Variants in MGAT4C observed in about 807,000 individuals in gnomAD.
MGAT4C encodes the protein alpha-1,3-mannosyl-glycoprotein 4-beta-N-acetylglucosaminyltransferase C.
In MGAT4C, 19 loss-of-function variants were observed where a neutral mutation model predicts 40.1. The ratio of observed to expected loss-of-function variants is 0.47; its 90% confidence interval spans 0.33 to 0.70. The LOEUF (loss-of-function observed/expected upper bound fraction) is 0.70, where lower values mean the gene tolerates loss of function less well. Ranked by LOEUF, MGAT4C falls within the 30% of genes least tolerant of loss-of-function variation. The pLI is 0.02. For missense variants in MGAT4C, 491 were observed against 563.2 expected (o/e 0.87, Z 1.30); for synonymous variants, 181 against 187.1 (o/e 0.97, Z 0.27).
rs116456863 is a variant in MGAT4C at position 86,663,309 on chromosome 12, G to A, written c.-229+63900C>T. Among the ~76,000 whole-genome samples, 584 of 138,736 alleles carry A rather than the reference G, an allele frequency of 4.2e-3. 2 individuals carry two copies. Among genetic ancestry groups the A allele is most frequent in the African/African-American group, 0.016 (560 of 34,528 alleles). The allele number at this position is 138,736 out of a possible 152,430, so 91.0% of individuals were successfully genotyped here. ...CTGGAGTTACAGGCTGCAGTGAGCC[G>A]TGAGCACACTAGCCTGAGTGAAAAA... On this transcript the variant is annotated intron_variant, in intron 2 of 7. Transcript: ENST00000548651.
intron 2 of MGAT4C, among the ~76,000 whole-genome samples, chr12:86,660,949 G>A (rs1176953213): frequency 6.6e-6 from 1 of 152,160 alleles, no homozygotes; most frequent in East Asian, 1.9e-4. Context: ...AATAAATCAA[G>A]AGTGACATCT....
intron 1 of MGAT4C, among the ~76,000 whole-genome samples, chr12:86,129,909 A>AC (rs1348001890): frequency 6.6e-6 from 1 of 152,148 alleles, no homozygotes; most frequent in African/African-American, 2.4e-5. Flanking sequence ...AAATCAGTCT[A>AC]CCCCTACAAC....
At chr12:86,597,820 G>A (rs973304244) in intron 2 of MGAT4C, among the ~76,000 whole-genome samples, 1 of 152,062 alleles carries the variant, frequency 6.6e-6, no homozygotes, top group Non-Finnish European at 1.5e-5. Context: ...TCCTGTGGGA[G>A]ATGGATTTGA....
intron 4 of MGAT4C, among the ~76,000 whole-genome samples, chr12:86,295,836 A>G (rs1953655638): frequency 6.6e-6 from 1 of 152,082 alleles, no homozygotes; most frequent in Non-Finnish European, 1.5e-5. Flanking sequence ...GTGCATTCAC[A>G]AACCTTGAGC....
chr12:86,520,503 C>T (rs1373770517), intron 2 of MGAT4C, among the ~76,000 whole-genome samples: 1 of 152,110 alleles, frequency 6.6e-6, no homozygotes, highest in East Asian at 1.9e-4. Flanking sequence ...GACTCCTTAT[C>T]ATTGCAATTG....
intron 1 of MGAT4C, among the ~76,000 whole-genome samples, chr12:86,801,944 T>A (rs188968472): frequency 1.3e-3 from 191 of 152,000 alleles, no homozygotes; most frequent in Non-Finnish European, 1.7e-3. Flanking sequence ...TATGTAAATA[T>A]CAAACTGGCC....
In MGAT4C at chr12:86,348,114, C is replaced by G. The variant is rs573322730; in HGVS notation, c.-119-13987G>C. Among the ~76,000 whole-genome samples the G allele has an allele frequency of 2.0e-5, 3 of 152,230 alleles. No homozygotes were observed. In the South Asian group the frequency reaches 6.2e-4, roughly 32 times the overall value. ...CAAACCTTGGATCAATAAAATATTC[C>G]TAACATCTAGATGAATTAAATGATT... On this transcript the variant is annotated intron_variant, in intron 3 of 7. Coordinates refer to the MGAT4C transcript ENST00000548651.
chr12:86,604,212 C>A (rs1450630902), intron 2 of MGAT4C, among the ~76,000 whole-genome samples: 1 of 152,094 alleles, frequency 6.6e-6, no homozygotes, highest in Non-Finnish European at 1.5e-5. Flanking sequence ...AAAGAAACTG[C>A]AGAAGTTGGG....
intron 1 of MGAT4C, among the ~76,000 whole-genome samples, chr12:86,168,750 A>T (rs1424368007): frequency 6.6e-6 from 1 of 152,120 alleles, no homozygotes; most frequent in Non-Finnish European, 1.5e-5. Flanking sequence ...AGACAAAAAG[A>T]GTGGATGAAA....
At chr12:86,766,625 T>A (rs971050339) in intron 1 of MGAT4C, among the ~76,000 whole-genome samples, 14 of 149,150 alleles carry the variant, frequency 9.4e-5, no homozygotes, top group Non-Finnish European at 1.6e-4. Flanking sequence ...GAAGTAAAGC[T>A]CTCCTCAGCA....
At chr12:86,164,787 T>C (rs1203738821) in intron 1 of MGAT4C, among the ~76,000 whole-genome samples, 1 of 152,186 alleles carries the variant, frequency 6.6e-6, no homozygotes, top group African/African-American at 2.4e-5. Context: ...CAAGTTATGT[T>C]GCTAGAGAGG....
At chr12:86,082,954 T>C (rs1342655527) in intron 1 of MGAT4C, among the ~76,000 whole-genome samples, 1 of 152,090 alleles carries the variant, frequency 6.6e-6, no homozygotes, top group African/African-American at 2.4e-5. Context: ...TGTTCATATA[T>C]CTATAATCAC....
intron 2 of MGAT4C, among the ~76,000 whole-genome samples, chr12:85,993,924 C>A (rs1886288625): frequency 6.6e-6 from 1 of 152,184 alleles, no homozygotes; most frequent in African/African-American, 2.4e-5. Flanking sequence ...CACCCCTGAG[C>A]CTGTGTAGAT....
At chr12:86,563,240 T>G (rs1396320942) in intron 2 of MGAT4C, among the ~76,000 whole-genome samples, 1 of 152,190 alleles carries the variant, frequency 6.6e-6, no homozygotes, top group East Asian at 1.9e-4. Context: ...GCAATGGGAA[T>G]AATTGGATCC....
chr12:86,037,958 A>G (rs1891409071), intron 2 of MGAT4C, among the ~76,000 whole-genome samples: 1 of 149,560 alleles, frequency 6.7e-6, no homozygotes, highest in African/African-American at 2.4e-5. Context: ...ACACCAGGTC[A>G]TGGGGGTGAC....
At chr12:86,295,815 AGTGTG>A (rs1953654748) in intron 4 of MGAT4C, among the ~76,000 whole-genome samples, 1 of 152,092 alleles carries the variant, frequency 6.6e-6, no homozygotes, top group Non-Finnish European at 1.5e-5. Context: ...CTAGATACAG[AGTGTG>A]GATTGGTGCA....
chr12:86,464,380 C>T (rs1157070482), intron 2 of MGAT4C, among the ~76,000 whole-genome samples: 7 of 152,042 alleles, frequency 4.6e-5, no homozygotes, highest in African/African-American at 1.2e-4. Context: ...AAATTGTATC[C>T]GCAGTTCTTA....
chr12:86,334,678 T>C (rs1272267143), intron 3 of MGAT4C, among the ~76,000 whole-genome samples: 1 of 152,130 alleles, frequency 6.6e-6, no homozygotes, highest in East Asian at 1.9e-4. Flanking sequence ...TTAATTAGAT[T>C]GGATGTATTT....
intron 1 of MGAT4C, among the ~76,000 whole-genome samples, chr12:86,140,098 T>C (rs1002311357): frequency 6.6e-6 from 1 of 152,190 alleles, no homozygotes; most frequent in Non-Finnish European, 1.5e-5. Flanking sequence ...AAATTTCTTT[T>C]TTCTGCCCCA....
Sources: allele counts gnomAD v4.1 joint callset (sites outside exome capture counted in the v4.1 genomes callset), GRCh38; gene constraint gnomAD v4.1.1; transcripts MANE v1.5; gene names NCBI Gene and HGNC (gene_info 2026-07-23, HGNC 2026-07-21).